The following GRIA4 variants were observed in gnomAD, a reference collection of about 807,000 sequenced individuals.
The protein encoded by GRIA4 is glutamate receptor 4.
A neutral mutation model predicts 104.0 loss-of-function variants in GRIA4; 34 were observed. That is an observed-to-expected ratio of 0.33 (90% CI 0.25 to 0.44). The LOEUF is 0.44. Ranked by LOEUF, GRIA4 falls within the 20% of genes least tolerant of loss-of-function variation. GRIA4 has a pLI of 1.00. For synonymous variants in GRIA4, 386 were observed against 381.9 expected (o/e 1.01, Z -0.13); for missense variants, 750 against 1,096.5 (o/e 0.68, Z 4.46).
intron 14 of GRIA4, among the ~76,000 whole-genome samples, chr11:105,954,935 C>A (rs1948547529): frequency 7.1e-6 from 1 of 140,786 alleles, no homozygotes; most frequent in African/African-American, 2.5e-5. Context: ...TATATAATGC[C>A]ATATAAAATG....
chr11:105,824,054 A>G (rs528013476), intron 4 of GRIA4, among the ~76,000 whole-genome samples: 1 of 152,252 alleles, frequency 6.6e-6, no homozygotes, highest in Admixed American at 6.5e-5. Flanking sequence ...TAGAGGCCCC[A>G]GAAGAAACCA....
intron 3 of GRIA4, among the ~76,000 whole-genome samples, chr11:105,731,998 A>G (rs1938625914): frequency 6.6e-6 from 1 of 152,220 alleles, no homozygotes; most frequent in Admixed American, 6.5e-5. Flanking sequence ...CACGTTCTGC[A>G]CATGTATCCC....
intron 3 of GRIA4, among the ~76,000 whole-genome samples, chr11:105,687,527 T>C (rs2135483449): frequency 6.6e-6 from 1 of 152,332 alleles, no homozygotes; most frequent in East Asian, 1.9e-4. Flanking sequence ...TCTTCAGATA[T>C]TTGTAGACCT....
At chr11:105,774,047 A>G (rs954445188) in intron 4 of GRIA4, among the ~76,000 whole-genome samples, 1 of 151,746 alleles carries the variant, frequency 6.6e-6, no homozygotes, top group Non-Finnish European at 1.5e-5. Flanking sequence ...TGGAACATTT[A>G]TAAAAATTGA....
chr11:105,697,053 C>T (rs775495649), intron 3 of GRIA4, among the ~76,000 whole-genome samples: 10 of 152,098 alleles, frequency 6.6e-5, no homozygotes, highest in Non-Finnish European at 1.5e-4. Flanking sequence ...TGGAACCCAC[C>T]GCACCCAGCC....
intron 3 of GRIA4, among the ~76,000 whole-genome samples, chr11:105,658,069 C>T (rs1414858985): frequency 6.6e-6 from 1 of 151,612 alleles, no homozygotes; most frequent in Non-Finnish European, 1.5e-5. Context: ...CAGCATATTT[C>T]TTAAGTATAG....
intron 5 of GRIA4, among the ~76,000 whole-genome samples, chr11:105,884,274 T>A (rs879638811): frequency 1.3e-5 from 2 of 152,244 alleles, no homozygotes; most frequent in Non-Finnish European, 2.9e-5. Context: ...ATTTATATAT[T>A]TTTTAAAAAG....
chr11:105,887,661 T>C, intron 6 of GRIA4, 89 bp downstream of exon 6: 2 of 709,674 alleles, frequency 2.8e-6, no homozygotes, highest in Non-Finnish European at 5.1e-6. Context: ...CTTCAATAAA[T>C]AGAGTACATT....
chr11:105,958,377 G>A (rs1202375387), intron 14 of GRIA4, among the ~76,000 whole-genome samples: 1 of 152,126 alleles, frequency 6.6e-6, no homozygotes, highest in Non-Finnish European at 1.5e-5. Context: ...TAATCATGTG[G>A]TTTTTGTCTT....
chr11:105,979,687 C>G lies in GRIA4; in HGVS notation c.2657C>G (p.Thr886Ser). The G allele has an allele frequency of 6.2e-7, 1 of 1,613,994 alleles. No individual in the cohort carries two copies. Among genetic ancestry groups the G allele is most frequent in the Non-Finnish European group, 8.5e-7 (1 of 1,179,836 alleles). The change falls in exon 17 of 17, where the codon ACT becomes AGT. Residue 886 changes from threonine to serine, a missense_variant. Thr to Ser is a moderately conservative substitution (Grantham distance 58). Coordinates refer to ENST00000282499, the MANE Select transcript of GRIA4 (RefSeq NM_000829.4). Reference protein sequence around the residue: ...PDCPKAVHTGTAIRQSSGLAV... With the variant: ...PDCPKAVHTGSAIRQSSGLAV... ...TGCCCAAAGGCTGTACACACTGGAA[C>G]TGCAATCAGACAAAGTTCAGGATTG...
intron 3 of GRIA4, among the ~76,000 whole-genome samples, chr11:105,690,390 T>C (rs764750078): frequency 3.3e-5 from 5 of 152,228 alleles, no homozygotes; most frequent in Non-Finnish European, 7.3e-5. Context: ...AAACTTAATA[T>C]TTGAACAGTC....
intron 3 of GRIA4, among the ~76,000 whole-genome samples, chr11:105,645,815 T>C (rs2135366211): frequency 6.6e-6 from 1 of 152,284 alleles, no homozygotes; most frequent in Non-Finnish European, 1.5e-5. Flanking sequence ...AATAATTTTC[T>C]GAAGACAGAT....
At chr11:105,946,066 G>C (rs899105864) in intron 14 of GRIA4, among the ~76,000 whole-genome samples, 1 of 152,096 alleles carries the variant, frequency 6.6e-6, no homozygotes, top group Admixed American at 6.6e-5. Context: ...GAAAACTGTG[G>C]TTAGAAAAAT....
At chr11:105,616,030 T>C (rs1950590423) in intron 3 of GRIA4, among the ~76,000 whole-genome samples, 1 of 151,704 alleles carries the variant, frequency 6.6e-6, no homozygotes, top group Admixed American at 6.6e-5. Flanking sequence ...CTGAAATGAG[T>C]CATTTAAATC....
intron 7 of GRIA4, among the ~76,000 whole-genome samples, chr11:105,899,699 C>G (rs1219557716): frequency 6.6e-6 from 1 of 152,140 alleles, no homozygotes; most frequent in Non-Finnish European, 1.5e-5. Context: ...GGGTTAAGTT[C>G]TGCTAGCCTC....
chr11:105,923,890 T>C (rs146372969), intron 11 of GRIA4, among the ~76,000 whole-genome samples: 15 of 152,308 alleles, frequency 9.8e-5, no homozygotes, highest in African/African-American at 3.4e-4. Context: ...CTTTATGATC[T>C]GTTTACTCAT....
intron 7 of GRIA4, among the ~76,000 whole-genome samples, chr11:105,900,468 T>G (rs1035192665): frequency 4.6e-5 from 7 of 152,142 alleles, no homozygotes; most frequent in African/African-American, 1.7e-4. Context: ...GTGCACGTGC[T>G]TCTACCTCAA....
At chr11:105,882,698 C>T (rs1591391603) in intron 5 of GRIA4, among the ~76,000 whole-genome samples, 1 of 152,156 alleles carries the variant, frequency 6.6e-6, no homozygotes, top group Non-Finnish European at 1.5e-5. Context: ...TGTGTCTCTT[C>T]CCCTTATGAG....
intron 5 of GRIA4, among the ~76,000 whole-genome samples, chr11:105,873,354 T>C (rs771844475): frequency 6.6e-6 from 1 of 152,128 alleles, no homozygotes; most frequent in Non-Finnish European, 1.5e-5. Flanking sequence ...CCAAGTCTTT[T>C]CTATTGTGAA....
Sources: allele counts gnomAD v4.1 joint callset (sites outside exome capture counted in the v4.1 genomes callset), GRCh38; gene constraint gnomAD v4.1.1; transcripts MANE v1.5; gene names NCBI Gene and HGNC (gene_info 2026-07-23, HGNC 2026-07-21).